Variants in PLEKHA8 observed in about 807,000 individuals in gnomAD.
PLEKHA8 encodes pleckstrin homology domain-containing family A member 8.
PLEKHA8 carries 36 observed loss-of-function variants against 68.2 expected under a neutral mutation model. The observed-to-expected ratio is 0.53, with a 90% confidence interval of 0.40 to 0.70. The LOEUF (loss-of-function observed/expected upper bound fraction) is 0.70, where lower values mean the gene tolerates loss of function less well. Ranked by LOEUF, PLEKHA8 falls within the 30% of genes least tolerant of loss-of-function variation. The pLI, the probability that PLEKHA8 is intolerant of heterozygous loss-of-function variation, is 0.00. For missense variants in PLEKHA8, 505 were observed against 615.4 expected, an observed-to-expected ratio of 0.82 and a Z score of 1.90; for synonymous variants, 211 against 216.1, an observed-to-expected ratio of 0.98 and a Z score of 0.20.
downstream of PLEKHA8, among the ~76,000 whole-genome samples, chr7:30,089,260 C>T (rs1299233142): frequency 6.6e-6 from 1 of 152,160 alleles, no homozygotes; most frequent in African/African-American, 2.4e-5. Context: ...AATACTTCCA[C>T]ACCACGATGG....
intron 13 of PLEKHA8, among the ~76,000 whole-genome samples, chr7:30,109,260 A>G (rs1027569674): frequency 1.3e-5 from 2 of 152,152 alleles, no homozygotes; most frequent in Non-Finnish European, 2.9e-5. Context: ...CAGTTTCGAT[A>G]ATGTTGACAT....
intron 13 of PLEKHA8, among the ~76,000 whole-genome samples, chr7:30,116,814 C>T (rs1313669150): frequency 6.6e-6 from 1 of 152,182 alleles, no homozygotes; most frequent in East Asian, 1.9e-4. Context: ...AGTCGTTCCC[C>T]AACACAGTTG....
downstream of PLEKHA8, among the ~76,000 whole-genome samples, chr7:30,087,951 C>A (rs887209289): frequency 6.6e-6 from 1 of 152,234 alleles, no homozygotes; most frequent in Non-Finnish European, 1.5e-5. Flanking sequence ...AGCCACCTCT[C>A]TCATTAAATC....
chr7:30,097,131 C>A (rs1455760256), intron 13 of PLEKHA8, among the ~76,000 whole-genome samples: 1 of 152,172 alleles, frequency 6.6e-6, no homozygotes, highest in Admixed American at 6.5e-5. Context: ...AAATTCTTTT[C>A]TTTAAGAATG....
intron 1 of PLEKHA8, among the ~76,000 whole-genome samples, chr7:30,033,284 C>A (rs1264393863): frequency 6.6e-6 from 1 of 152,100 alleles, no homozygotes; most frequent in African/African-American, 2.4e-5. Flanking sequence ...AACCCAGTAC[C>A]CATTAGCAGT....
At position 30,082,679 on chromosome 7, in the gene PLEKHA8, G is replaced by A; in HGVS notation, c.*3892G>A. ...TTTTTAATTAAAAATATGTGATAGG[G>A]ACCAAATAAGTAAAGTACATTTTTC... On this transcript the variant is annotated 3_prime_UTR_variant, in exon 14 of 14. Transcript: ENST00000449726. The A allele has an allele frequency of 6.1e-6, 6 of 984,404 alleles. No homozygotes were observed. Among genetic ancestry groups the A allele is most frequent in the Non-Finnish European group, 7.2e-6 (6 of 829,082 alleles). The allele number at this position is 984,404 out of a possible 1,614,324, so 61.0% of individuals were successfully genotyped here. A position where few individuals can be genotyped will look rare whatever the true frequency, so the allele number is the denominator to read the frequency against.
intron 12 of PLEKHA8, among the ~76,000 whole-genome samples, chr7:30,064,973 A>AC (rs919262101): frequency 6.6e-6 from 1 of 151,880 alleles, no homozygotes; most frequent in African/African-American, 2.4e-5. Flanking sequence ...ATGGGCTTTG[A>AC]CCCCCCTAGA....
intron 6 of PLEKHA8, 94 bp from the exon 7 acceptor site, chr7:30,052,615 G>A (rs962605958): frequency 1.8e-6 from 2 of 1,091,276 alleles, no homozygotes; most frequent in Non-Finnish European, 2.5e-6. Flanking sequence ...ACTGCAGCCT[G>A]GGTGACAGAG....
chr7:30,116,200 G>A (rs530039601), intron 13 of PLEKHA8, among the ~76,000 whole-genome samples: 6 of 148,478 alleles, frequency 4.0e-5, no homozygotes, highest in Admixed American at 1.3e-4. Flanking sequence ...ATACATACAC[G>A]TATACATGTA....
chr7:30,074,086 A>G lies in PLEKHA8; in HGVS notation c.1316A>G (p.Lys439Arg), dbSNP rs774259105. 1 of 1,613,122 alleles carries G rather than the reference A, an allele frequency of 6.2e-7. No homozygotes were observed. Among genetic ancestry groups the G allele is most frequent in the South Asian group, 1.1e-5 (1 of 91,004 alleles). ...IQTALNNAYG[K>R]TLRQHHGWVV... ...TCTTTTCAAGATAATGCATATGGTA[A>G]AACATTGCGGCAACACCATGGCTGG... is the stretch of plus-strand genomic sequence containing the variant. The change falls in exon 13 of 14, where the codon AAA becomes AGA. Residue 439 changes from lysine (K) to arginine (R), a missense_variant. Transcript: ENST00000449726.
intron 9 of PLEKHA8, among the ~76,000 whole-genome samples, chr7:30,059,579 T>G (rs1583837153): frequency 1.2e-5 from 1 of 81,928 alleles, no homozygotes; most frequent in South Asian, 3.0e-4. Context: ...AGTTAATCAA[T>G]TTTTTTTTTA....
intron 11 of PLEKHA8, 136 bp downstream of exon 11, chr7:30,062,163 A>G (rs1793494892): frequency 1.5e-5 from 16 of 1,039,162 alleles, no homozygotes; most frequent in Middle Eastern, 4.3e-4. Context: ...AGAAGGCCTA[A>G]TGAATAATAC....
chr7:30,086,308 G>T (rs17546537), downstream of PLEKHA8, among the ~76,000 whole-genome samples: 25,495 of 152,154 alleles, frequency 0.17, 2,172 homozygotes, highest in Middle Eastern at 0.22. Context: ...AATGGCTTCT[G>T]ATAAATCTAA....
rs529499949 is a variant in PLEKHA8, at chr7:30,044,366, A to G, written c.41-719A>G. ...AAGTTCAGAGACAGAAATACAGCAA[A>G]TGAGTGGTTTGACTAGAACATAGGG... On this transcript the variant is annotated intron_variant, in intron 1 of 13. Coordinates refer to ENST00000449726, the MANE Select transcript of PLEKHA8 (RefSeq NM_001197026.2). Among the ~76,000 whole-genome samples the G allele has an allele frequency of 7.9e-5, 12 of 152,270 alleles. No individual in the cohort carries two copies. In the East Asian group the frequency reaches 2.3e-3, roughly 29 times the overall value.
chr7:30,096,347 A>C (rs1307237078), intron 13 of PLEKHA8, among the ~76,000 whole-genome samples: 1 of 152,198 alleles, frequency 6.6e-6, no homozygotes, highest in African/African-American at 2.4e-5. Flanking sequence ...ATGTATAAGA[A>C]TGCTTGGGAT....
At chr7:30,126,560 C>T (rs944802828) in intron 13 of PLEKHA8, among the ~76,000 whole-genome samples, 3 of 152,184 alleles carry the variant, frequency 2.0e-5, no homozygotes, top group Admixed American at 1.3e-4. Flanking sequence ...TCTAAGCTAT[C>T]TACAACCTAT....
At chr7:30,063,960 A>G (rs1444288354) in intron 12 of PLEKHA8, among the ~76,000 whole-genome samples, 40 of 152,078 alleles carry the variant, frequency 2.6e-4, no homozygotes, top group Non-Finnish European at 5.9e-5. Context: ...GGTCTCAGTT[A>G]TATTCTCCCC....
chr7:30,094,065 A>G (rs1202818570), downstream of PLEKHA8, among the ~76,000 whole-genome samples: 1 of 152,222 alleles, frequency 6.6e-6, no homozygotes, highest in Admixed American at 6.5e-5. Context: ...GTTAGGGGAC[A>G]TATGTACCTG....
chr7:30,055,199 G>T (rs1792741533), intron 8 of PLEKHA8, 58 bp from the exon 9 acceptor site: 2 of 1,467,562 alleles, frequency 1.4e-6, no homozygotes, highest in African/African-American at 1.4e-5. Flanking sequence ...CCTCTGAATT[G>T]CAGAGTGCTG....
Sources: allele counts gnomAD v4.1 joint callset (sites outside exome capture counted in the v4.1 genomes callset), GRCh38; gene constraint gnomAD v4.1.1; transcripts MANE v1.5; gene names NCBI Gene and HGNC (gene_info 2026-07-23, HGNC 2026-07-21).